The following NRXN3 variants were observed in gnomAD, a reference collection of about 807,000 sequenced individuals.
The protein encoded by NRXN3 is neurexin 3.
NRXN3 carries 32 observed loss-of-function variants against 137.6 expected under a neutral mutation model. The observed-to-expected ratio is 0.23, with a 90% CI of 0.18 to 0.31. The LOEUF is 0.31. Among genes scored for constraint, NRXN3 ranks in the 10% least tolerant of loss-of-function variants. The pLI, the probability that NRXN3 is intolerant of heterozygous loss-of-function variation, is 1.00. For synonymous variants in NRXN3, 798 were observed against 784.5 expected, an observed-to-expected ratio of 1.02 and a Z score of -0.29; for missense variants, 1,574 against 2,062.5, an observed-to-expected ratio of 0.76 and a Z score of 4.59.
At chr14:78,995,528 T>C (rs192889123) in intron 15 of NRXN3, among the ~76,000 whole-genome samples, 18 of 152,290 alleles carry the variant, frequency 1.2e-4, no homozygotes, top group Admixed American at 1.0e-3. Flanking sequence ...ATTTTGTAGG[T>C]CCTATCTTGT....
intron 16 of NRXN3, among the ~76,000 whole-genome samples, chr14:79,573,973 G>A (rs941572033): frequency 1.3e-5 from 2 of 151,864 alleles, no homozygotes; most frequent in Non-Finnish European, 1.5e-5. Context: ...TGAAGTGTAT[G>A]GGCAACCCAA....
At chr14:79,425,667 C>CA (rs1479686831) in intron 15 of NRXN3, among the ~76,000 whole-genome samples, 1 of 152,172 alleles carries the variant, frequency 6.6e-6, no homozygotes, top group Non-Finnish European at 1.5e-5. Flanking sequence ...AGATGAGCTG[C>CA]AATACCAACC....
At chr14:78,468,178 G>C (rs2095169530) in intron 4 of NRXN3, among the ~76,000 whole-genome samples, 2 of 152,098 alleles carry the variant, frequency 1.3e-5, no homozygotes. Flanking sequence ...TAGTGATCTT[G>C]GTTAGGTAGA....
chr14:79,190,267 G>A (rs533947051), intron 15 of NRXN3, among the ~76,000 whole-genome samples: 21 of 151,924 alleles, frequency 1.4e-4, no homozygotes, highest in African/African-American at 3.9e-4. Flanking sequence ...TAAAATATCA[G>A]GTCTTTCTCA....
At chr14:79,298,531 C>T (rs753019956) in intron 15 of NRXN3, among the ~76,000 whole-genome samples, 1 of 152,036 alleles carries the variant, frequency 6.6e-6, no homozygotes, top group Non-Finnish European at 1.5e-5. Flanking sequence ...TTTTTTCTCA[C>T]CAGATACTTG....
At chr14:78,710,922 C>T (rs990814578) in intron 7 of NRXN3, among the ~76,000 whole-genome samples, 4 of 152,144 alleles carry the variant, frequency 2.6e-5, no homozygotes, top group African/African-American at 9.7e-5. Flanking sequence ...TAAATGTGCT[C>T]GTTAAGCAAG....
At chr14:79,619,911 G>T (rs952568470) in intron 16 of NRXN3, among the ~76,000 whole-genome samples, 5 of 152,030 alleles carry the variant, frequency 3.3e-5, no homozygotes, top group Admixed American at 2.0e-4. Context: ...CAGAAACGAG[G>T]CTCCTTAGTT....
At chr14:78,345,024 G>C (rs2082554187) in intron 4 of NRXN3, among the ~76,000 whole-genome samples, 1 of 152,160 alleles carries the variant, frequency 6.6e-6, no homozygotes, top group African/African-American at 2.4e-5. Flanking sequence ...TGTGTTGGGA[G>C]GGTATGAATC....
intron 15 of NRXN3, among the ~76,000 whole-genome samples, chr14:79,246,073 A>T (rs1279051268): frequency 6.6e-6 from 1 of 152,218 alleles, no homozygotes; most frequent in Non-Finnish European, 1.5e-5. Context: ...GGAACACTAT[A>T]GTGTGGGCAC....
intron 16 of NRXN3, among the ~76,000 whole-genome samples, chr14:79,646,277 T>C (rs548629837): frequency 7.4e-6 from 1 of 135,516 alleles, no homozygotes; most frequent in South Asian, 2.3e-4. Flanking sequence ...TAAAGAGTCT[T>C]ACTCTGACAT....
Position 78,846,632 on chromosome 14 carries a change from T to C in NRXN3, c.2275+36288T>C, listed in dbSNP as rs80261666. Among the ~76,000 whole-genome samples the C allele has an allele frequency of 1.4e-3, 209 of 152,208 alleles. 4 individuals carry two copies. Among genetic ancestry groups the C allele is most frequent in the African/African-American group, 4.6e-3 (190 of 41,550 alleles). ...CTAACCTGGCTTCCCTGGTGTGTCA[T>C]TGAACACAAGTGTTGAGATTCCTAG... On this transcript the variant is annotated intron_variant, in intron 10 of 20. Transcript: ENST00000335750.
rs532508262 is a variant in NRXN3 at position 78,562,083 on chromosome 14, G to A, written c.758-83037G>A. On this transcript the variant is annotated intron_variant, in intron 4 of 20. Transcript: ENST00000335750. ...TGTGGATAGGCCCTATGATGGCTTCGATCAATAAAATATGGTGGTTTAACG... is the reference window on the plus strand; with the variant it reads ...TGTGGATAGGCCCTATGATGGCTTCAATCAATAAAATATGGTGGTTTAACG... Among the ~76,000 whole-genome samples, 9 of 152,146 alleles carry A rather than the reference G, an allele frequency of 5.9e-5. No homozygotes were observed. In the East Asian group the frequency reaches 7.7e-4, roughly 13 times the overall value.
chr14:78,885,565 C>T (rs2099141330), intron 10 of NRXN3, among the ~76,000 whole-genome samples: 2 of 152,086 alleles, frequency 1.3e-5, no homozygotes, highest in Non-Finnish European at 2.9e-5. Context: ...CAGTAACAGT[C>T]TACCAGTTGT....
At chr14:79,274,028 G>A (rs1210178694) in intron 15 of NRXN3, among the ~76,000 whole-genome samples, 4 of 151,420 alleles carry the variant, frequency 2.6e-5, no homozygotes, top group Middle Eastern at 3.4e-3. Flanking sequence ...ACTGGGACCC[G>A]GGAGGTGGAG....
intron 4 of NRXN3, among the ~76,000 whole-genome samples, chr14:78,622,264 A>G (rs1307235231): frequency 2.0e-5 from 3 of 152,214 alleles, no homozygotes; most frequent in African/African-American, 7.2e-5. Flanking sequence ...ATGACTTGGA[A>G]CAATAAAGCA....
At chr14:79,259,647 C>A (rs1268221912) in intron 15 of NRXN3, among the ~76,000 whole-genome samples, 3 of 140,550 alleles carry the variant, frequency 2.1e-5, no homozygotes, top group African/African-American at 7.9e-5. Flanking sequence ...ATATAGTTAT[C>A]TATATATAGC....
rs1017302006 is a variant in NRXN3, at chr14:79,862,402, C to A, written c.*438C>A. The A allele has an allele frequency of 6.6e-6, 1 of 152,450 alleles. No homozygotes were observed. Among genetic ancestry groups the A allele is most frequent in the African/African-American group, 2.4e-5 (1 of 41,130 alleles). 9.4% of individuals were successfully genotyped at this position (152,450 alleles called of 1,614,324 possible). A position where few individuals can be genotyped will look rare whatever the true frequency, so the allele number is the denominator to read the frequency against. ...AAGCTTGACTGTAACCATGTTTTTT[C>A]TGTTTAATTATGTAAAAAACAAAAC... is the stretch of plus-strand genomic sequence containing the variant. On this transcript the variant is annotated 3_prime_UTR_variant, in exon 21 of 21. Transcript: ENST00000335750.
At chr14:79,822,501 A>G (rs766150219) in intron 20 of NRXN3, among the ~76,000 whole-genome samples, 1 of 152,216 alleles carries the variant, frequency 6.6e-6, no homozygotes, top group Non-Finnish European at 1.5e-5. Context: ...GTCCTTCCCT[A>G]CAGTTTTTCT....
intron 15 of NRXN3, among the ~76,000 whole-genome samples, chr14:79,300,543 G>A (rs2084960869): frequency 6.6e-6 from 1 of 151,996 alleles, no homozygotes; most frequent in Non-Finnish European, 1.5e-5. Context: ...ATTAGGCTGA[G>A]GAGCCTCACG....
Sources: allele counts gnomAD v4.1 joint callset (sites outside exome capture counted in the v4.1 genomes callset), GRCh38; gene constraint gnomAD v4.1.1; transcripts MANE v1.5; gene names NCBI Gene and HGNC (gene_info 2026-07-23, HGNC 2026-07-21).